The following CNTN4 variants were observed in gnomAD, a reference collection of about 807,000 sequenced individuals.
CNTN4 encodes the protein contactin-4.
Under a neutral mutation model 122.5 loss-of-function variants are expected in CNTN4, and 77 were observed. That is an observed-to-expected ratio of 0.63 (90% CI 0.52 to 0.76). The LOEUF (loss-of-function observed/expected upper bound fraction) is 0.76. Ranked by LOEUF, CNTN4 falls within the 30% of genes least tolerant of loss-of-function variation. The pLI, the probability that CNTN4 is intolerant of heterozygous loss-of-function variation, is 0.00. For missense variants in CNTN4, 1,256 were observed against 1,259.1 expected, an observed-to-expected ratio of 1.00 and a Z score of 0.04; for synonymous variants, 512 against 447.0, an observed-to-expected ratio of 1.15 and a Z score of -1.83.
chr3:2,696,006 A>T (rs901093316), intron 4 of CNTN4, among the ~76,000 whole-genome samples: 1 of 152,180 alleles, frequency 6.6e-6, no homozygotes, highest in Non-Finnish European at 1.5e-5. Context: ...TGAGGTATGT[A>T]TGTATATACA....
At chr3:2,712,788 CCAGTGGTCA>C (rs2087229650) in intron 4 of CNTN4, among the ~76,000 whole-genome samples, 1 of 152,176 alleles carries the variant, frequency 6.6e-6, no homozygotes, top group Non-Finnish European at 1.5e-5. Context: ...AAGCTGATCA[CCAGTGGTCA>C]CTGTCTTAAC....
chr3:2,559,867 G>A (rs944897430), intron 3 of CNTN4, among the ~76,000 whole-genome samples: 6 of 152,174 alleles, frequency 3.9e-5, no homozygotes, highest in African/African-American at 1.2e-4. Flanking sequence ...AGAAAATGAA[G>A]AAGAATGCAA....
At chr3:2,708,159 C>T (rs2086855438) in intron 4 of CNTN4, among the ~76,000 whole-genome samples, 1 of 152,092 alleles carries the variant, frequency 6.6e-6, no homozygotes, top group Non-Finnish European at 1.5e-5. Flanking sequence ...TTCAAAGTTT[C>T]AATGGGTTAA....
chr3:2,456,948 A>G lies in CNTN4; in HGVS notation c.-88-114468A>G, dbSNP rs73804592. 5.2e-3 allele frequency among the ~76,000 whole-genome samples: 791 copies of G among 152,250 alleles called. 8 individuals are homozygous for G. The highest frequency in any genetic ancestry group is 0.018 in the African/African-American group (730 of 41,554). Reference sequence around the variant, plus strand: ...GTGCTTTGTACCAGGAACTCTTTAGATTCTCAGAACCCTATGAGGTGAATA... The same window carrying G: ...GTGCTTTGTACCAGGAACTCTTTAGGTTCTCAGAACCCTATGAGGTGAATA... On this transcript the variant is annotated intron_variant, in intron 3 of 24. Coordinates refer to ENST00000418658, the MANE Select transcript of CNTN4 (RefSeq NM_175607.3).
chr3:2,726,234 A>T (rs1256305846), intron 4 of CNTN4, among the ~76,000 whole-genome samples: 3 of 152,230 alleles, frequency 2.0e-5, no homozygotes, highest in African/African-American at 7.2e-5. Flanking sequence ...GTTTTATGAA[A>T]AGTCCTGCAA....
At chr3:2,690,748 A>G (rs2085691593) in intron 4 of CNTN4, among the ~76,000 whole-genome samples, 1 of 152,188 alleles carries the variant, frequency 6.6e-6, no homozygotes, top group Admixed American at 6.5e-5. Context: ...AATCAAAAGG[A>G]GAATATTAAC....
At chr3:2,913,993 T>C (rs1253586202) in intron 12 of CNTN4, among the ~76,000 whole-genome samples, 1 of 152,142 alleles carries the variant, frequency 6.6e-6, no homozygotes, top group Non-Finnish European at 1.5e-5. Context: ...TAGAAATTGA[T>C]AGCAGAGGAA....
intron 4 of CNTN4, among the ~76,000 whole-genome samples, chr3:2,716,461 T>C (rs2087504317): frequency 6.6e-6 from 1 of 152,050 alleles, no homozygotes; most frequent in African/African-American, 2.4e-5. Context: ...AACAAAATAC[T>C]GTAAACTGGG....
At chr3:2,797,870 C>G (rs2092236689) in intron 6 of CNTN4, among the ~76,000 whole-genome samples, 1 of 147,048 alleles carries the variant, frequency 6.8e-6, no homozygotes, top group African/African-American at 2.5e-5. Context: ...TGCTTCATGT[C>G]TTTTATTTTT....
chr3:2,974,454 T>C lies in CNTN4; in HGVS notation c.1359-13891T>C, dbSNP rs117747607. Among the ~76,000 whole-genome samples, 54 of 152,312 alleles carry C rather than the reference T, an allele frequency of 3.5e-4. 1 individual carries two copies. In the East Asian group the frequency reaches 8.7e-3, roughly 24 times the overall value. ...ATGGGAATTTTTACATTTAACCTTC[T>C]CACAAAAAACCTATGAAATTCAGGT... On this transcript the variant is annotated intron_variant, in intron 13 of 24. Transcript: ENST00000418658.
chr3:2,841,710 A>G lies in CNTN4; in HGVS notation c.454+22129A>G, dbSNP rs1002698690. 6.6e-6 allele frequency among the ~76,000 whole-genome samples: 1 copy of G among 152,210 alleles called. No individual in the cohort carries two copies. The highest frequency in any genetic ancestry group is 2.4e-5 in the African/African-American group (1 of 41,452). On this transcript the variant is annotated intron_variant, in intron 7 of 24. Transcript: ENST00000418658. The surrounding 1 kb of genome is among the most constrained non-coding windows in gnomAD (Gnocchi z 4.8). Reference sequence around the variant, plus strand: ...GAATAGAAAGGACGAGGTTGAAAGTAGCTGTGCCTTGAAGTTATTAAAAAT... The same window carrying G: ...GAATAGAAAGGACGAGGTTGAAAGTGGCTGTGCCTTGAAGTTATTAAAAAT...
chr3:2,615,055 T>C lies in CNTN4; in HGVS notation c.55+43497T>C, dbSNP rs936674529. Among the ~76,000 whole-genome samples the C allele has an allele frequency of 3.9e-5, 6 of 152,122 alleles. No homozygotes were observed. The East Asian group carries it at 5.8e-4, about 15-fold the overall frequency. On this transcript the variant is annotated intron_variant, in intron 4 of 24. Transcript: ENST00000418658. ...ACGGCTCATTTCCTCAAAGTTTCCC[T>C]AAAAGACAAAGAAAGTTTTATGTTA... is the stretch of plus-strand genomic sequence containing the variant.
At chr3:2,831,315 C>A (rs932996138) in intron 7 of CNTN4, among the ~76,000 whole-genome samples, 5 of 152,170 alleles carry the variant, frequency 3.3e-5, no homozygotes, top group Admixed American at 2.6e-4. Context: ...CTTTTCAAAT[C>A]AATCAAACTG....
chr3:2,952,051 A>G (rs2094751005), intron 13 of CNTN4, among the ~76,000 whole-genome samples: 3 of 152,196 alleles, frequency 2.0e-5, no homozygotes, highest in Non-Finnish European at 4.4e-5. Context: ...CCATTCTACT[A>G]CCCCTGGCCT....
At chr3:2,641,237 G>A (rs758881674) in intron 4 of CNTN4, among the ~76,000 whole-genome samples, 2 of 151,800 alleles carry the variant, frequency 1.3e-5, no homozygotes, top group Non-Finnish European at 2.9e-5. Flanking sequence ...ATTATTATAG[G>A]TGCTTCCAGT....
At chr3:2,618,171 A>G (rs1008853178) in intron 4 of CNTN4, among the ~76,000 whole-genome samples, 1 of 152,178 alleles carries the variant, frequency 6.6e-6, no homozygotes, top group Non-Finnish European at 1.5e-5. Flanking sequence ...ATCCTGGCAC[A>G]TAGAAAGTGA....
In CNTN4 at chr3:2,409,122, G is replaced by A. The variant is rs576141484; in HGVS notation, c.-89+69889G>A. 1.3e-4 allele frequency among the ~76,000 whole-genome samples: 19 copies of A among 151,950 alleles called. No homozygotes were observed. In the South Asian group the frequency reaches 3.9e-3, roughly 32 times the overall value. ...TAAAGAGGAACAAAATTATAGCTTT[G>A]GAATCATCTTCTAAAATTTTATTAA... is the stretch of plus-strand genomic sequence containing the variant. On this transcript the variant is annotated intron_variant, in intron 3 of 24. Transcript: ENST00000418658.
intron 2 of CNTN4, among the ~76,000 whole-genome samples, chr3:2,110,108 C>T (rs755290193): frequency 6.6e-6 from 1 of 152,220 alleles, no homozygotes; most frequent in African/African-American, 2.4e-5. Context: ...CTTGATGACA[C>T]GGGATCACCA....
At chr3:2,747,196 T>C (rs892518286) in intron 6 of CNTN4, among the ~76,000 whole-genome samples, 16 of 151,702 alleles carry the variant, frequency 1.1e-4, no homozygotes, top group African/African-American at 3.4e-4. Context: ...GATCACGAGG[T>C]CAGGAGATCG....
Sources: gnomAD v4.1 joint callset for allele counts (sites outside exome capture counted in the v4.1 genomes callset) on GRCh38, gnomAD v4.1.1 for gene constraint, Gnocchi (gnomAD v3.1) non-coding constraint, MANE v1.5 for transcripts, NCBI Gene and HGNC (gene_info 2026-07-23, HGNC 2026-07-21) for gene names.